Variants in MARCHF1 observed in about 807,000 individuals in gnomAD.
MARCHF1 encodes the protein membrane associated ring-CH-type finger 1, also known as E3 ubiquitin-protein ligase MARCHF1.
Under a neutral mutation model 54.2 loss-of-function variants are expected in MARCHF1, and 40 were observed. That is an observed-to-expected ratio of 0.74 (90% CI 0.57 to 0.96). The LOEUF is 0.96. MARCHF1 is among the 40% of genes least tolerant of loss of function. The pLI, the probability that MARCHF1 is intolerant of heterozygous loss-of-function variation, is 0.00. For synonymous variants in MARCHF1, 236 were observed against 236.3 expected (o/e 1.00, Z 0.01); for missense variants, 586 against 656.5 (o/e 0.89, Z 1.17).
At chr4:164,053,547 A>G (rs928159578) in intron 2 of MARCHF1, among the ~76,000 whole-genome samples, 2 of 152,184 alleles carry the variant, frequency 1.3e-5, no homozygotes, top group Non-Finnish European at 2.9e-5. Context: ...GAGCTTTTAC[A>G]ATACTTTCCA....
intron 1 of MARCHF1, among the ~76,000 whole-genome samples, chr4:164,167,649 A>G (rs1462208212): frequency 1.3e-5 from 2 of 151,952 alleles, no homozygotes. Flanking sequence ...TTAATTTTCA[A>G]TAATGTCACC....
chr4:164,251,411 TATA>T (rs1472046606), intron 1 of MARCHF1, among the ~76,000 whole-genome samples: 7 of 152,234 alleles, frequency 4.6e-5, no homozygotes, highest in African/African-American at 1.2e-4. Context: ...TGTAATGAAA[TATA>T]ATGTTTGCCA....
At chr4:163,608,619 G>A (rs1218836656) in intron 7 of MARCHF1, among the ~76,000 whole-genome samples, 1 of 152,036 alleles carries the variant, frequency 6.6e-6, no homozygotes, top group African/African-American at 2.4e-5. Context: ...ATAACTGTGG[G>A]TATAATAGTA....
At chr4:164,301,050 A>AT (rs966193052) in intron 1 of MARCHF1, among the ~76,000 whole-genome samples, 54 of 151,930 alleles carry the variant, frequency 3.6e-4, no homozygotes, top group African/African-American at 1.0e-3. Context: ...GAAAGATGCT[A>AT]TTTTTTTTAA....
At chr4:163,613,669 A>G (rs1741425344) in intron 5 of MARCHF1, 1 of 1,358,080 alleles carries the variant, frequency 7.4e-7, no homozygotes, top group African/African-American at 1.5e-5. Flanking sequence ...TATTTACTGT[A>G]ATCATTTGAG....
chr4:164,171,747 C>T (rs1033354762), intron 1 of MARCHF1, among the ~76,000 whole-genome samples: 1 of 152,116 alleles, frequency 6.6e-6, no homozygotes, highest in Non-Finnish European at 1.5e-5. Context: ...CCAAATGCCT[C>T]ATCTCATTGG....
chr4:164,124,150 A>G (rs1458341440), intron 1 of MARCHF1, among the ~76,000 whole-genome samples: 1 of 147,656 alleles, frequency 6.8e-6, no homozygotes, highest in Non-Finnish European at 1.5e-5. Context: ...CATATGAAAA[A>G]GCGCTCAACA....
At chr4:163,555,037 T>C (rs1739237354) in intron 8 of MARCHF1, among the ~76,000 whole-genome samples, 1 of 152,196 alleles carries the variant, frequency 6.6e-6, no homozygotes, top group Non-Finnish European at 1.5e-5. Flanking sequence ...AAAAAGGTGC[T>C]GAGTAAAATC....
intron 3 of MARCHF1, among the ~76,000 whole-genome samples, chr4:163,935,625 T>C (rs1314166836): frequency 1.3e-5 from 2 of 152,084 alleles, no homozygotes; most frequent in Middle Eastern, 3.2e-3. Flanking sequence ...CTTAAGAGAA[T>C]GTTGTAGATA....
chr4:163,699,349 T>C (rs77862334), intron 5 of MARCHF1, among the ~76,000 whole-genome samples: 3,213 of 152,292 alleles, frequency 0.021, 50 homozygotes, highest in African/African-American at 0.048. Context: ...GCAGGCATGC[T>C]TACTCTTATT....
At chr4:163,797,333 ATGTGTGTGTGTGTGTGTTTATGTGTGTG>A (rs1252784199) in intron 4 of MARCHF1, among the ~76,000 whole-genome samples, 86 of 102,108 alleles carry the variant, frequency 8.4e-4, no homozygotes, top group Non-Finnish European at 1.6e-3. Flanking sequence ...TACGGTGTGT[ATGTGTGTGTGTGTGTGTTTATGTGTGTG>A]TGTGTGTGTG....
At chr4:163,866,483 A>ATATATATATATATATATATATAT (rs1750053012) in intron 3 of MARCHF1, among the ~76,000 whole-genome samples, 1 of 49,188 alleles carries the variant, frequency 2.0e-5, no homozygotes, top group Non-Finnish European at 5.5e-5. Context: ...TATATATATA[A>ATATATATATATATATATATATAT]TAGGACTGTA....
At chr4:164,101,119 C>G (rs993839830) in intron 2 of MARCHF1, among the ~76,000 whole-genome samples, 1 of 152,200 alleles carries the variant, frequency 6.6e-6, no homozygotes, top group Non-Finnish European at 1.5e-5. Flanking sequence ...CCTACGCCCA[C>G]GGAGTCTTGC....
At chr4:164,060,069 G>A (rs1387653571) in intron 2 of MARCHF1, among the ~76,000 whole-genome samples, 1 of 152,034 alleles carries the variant, frequency 6.6e-6, no homozygotes, top group African/African-American at 2.4e-5. Flanking sequence ...ATACAAATCA[G>A]CATATATTCA....
chr4:164,157,313 T>G (rs1171795025), intron 1 of MARCHF1, among the ~76,000 whole-genome samples: 1 of 152,128 alleles, frequency 6.6e-6, no homozygotes, highest in Non-Finnish European at 1.5e-5. Flanking sequence ...TATATTAACA[T>G]CTTTACAAGA....
chr4:164,049,802 TTTA>T (rs1398443888), intron 2 of MARCHF1, among the ~76,000 whole-genome samples: 1 of 152,216 alleles, frequency 6.6e-6, no homozygotes, highest in African/African-American at 2.4e-5. Context: ...AAATTACAGT[TTTA>T]TTTTCACTAT....
intron 5 of MARCHF1, among the ~76,000 whole-genome samples, chr4:163,619,973 A>G (rs1044289722): frequency 6.6e-6 from 1 of 152,198 alleles, no homozygotes; most frequent in African/African-American, 2.4e-5. Context: ...ACCATCCTGG[A>G]CAAAACCAGA....
chr4:163,963,737 C>A (rs529999083), intron 3 of MARCHF1, among the ~76,000 whole-genome samples: 3 of 152,006 alleles, frequency 2.0e-5, no homozygotes, highest in Admixed American at 6.6e-5. Flanking sequence ...TCTGAAGCAA[C>A]CTCTATCATG....
chr4:164,319,290 T>A lies in MARCHF1; in HGVS notation c.-323+64580A>T, dbSNP rs191346168. ...TACAGGAGGATGTATATAGTTTATTTACAAATACTACACCATTTTATATAA... is the reference window on the plus strand; with the variant it reads ...TACAGGAGGATGTATATAGTTTATTAACAAATACTACACCATTTTATATAA... On this transcript the variant is annotated intron_variant, in intron 1 of 9. Coordinates refer to ENST00000514618, the MANE Select transcript of MARCHF1 (RefSeq NM_001394959.1). Among the ~76,000 whole-genome samples the A allele has an allele frequency of 1.5e-3, 226 of 152,280 alleles. 5 individuals are homozygous for A. The highest frequency in any genetic ancestry group is 0.015 in the Admixed American group (225 of 15,284).
Sources: gnomAD v4.1 joint callset for allele counts (sites outside exome capture counted in the v4.1 genomes callset) on GRCh38, gnomAD v4.1.1 for gene constraint, MANE v1.5 for transcripts, NCBI Gene and HGNC (gene_info 2026-07-23, HGNC 2026-07-21) for gene names.